Variants in KCNQ3 observed in about 807,000 individuals in gnomAD.
KCNQ3 encodes potassium voltage-gated channel subfamily KQT member 3.
Under a neutral mutation model 92.5 loss-of-function variants are expected in KCNQ3, and 30 were observed. That is an observed-to-expected ratio of 0.32 (90% CI 0.24 to 0.44). The LOEUF (loss-of-function observed/expected upper bound fraction) is 0.44, where lower values mean the gene tolerates loss of function less well. Among genes scored for constraint, KCNQ3 ranks in the 20% least tolerant of loss-of-function variants. KCNQ3 has a pLI of 1.00. For synonymous variants in KCNQ3, 450 were observed against 468.8 expected (o/e 0.96, Z 0.52); for missense variants, 913 against 1,140.3 (o/e 0.80, Z 2.87).
chr8:132,387,881 C>T (rs1013977098), intron 1 of KCNQ3, among the ~76,000 whole-genome samples: 2 of 151,668 alleles, frequency 1.3e-5, no homozygotes, highest in African/African-American at 4.8e-5. Flanking sequence ...GGGAGGTTGA[C>T]TCTACAGTGA....
rs1428430617 is a variant in KCNQ3 at position 132,124,843 on chromosome 8, A to G, written c.*4419T>C. 1.3e-5 allele frequency: 2 copies of G among 152,230 alleles called. No homozygotes were observed. The highest frequency in any genetic ancestry group is 3.9e-4 in the East Asian group (2 of 5,192). The allele number at this position is 152,230 out of a possible 1,614,324, so 9.4% of individuals were successfully genotyped here. A position where few individuals can be genotyped will look rare whatever the true frequency, so the allele number is the denominator to read the frequency against. On this transcript the variant is annotated 3_prime_UTR_variant, in exon 15 of 15. Transcript: ENST00000388996. ...GAAAACCAAATACCAGCTATGTGGC[A>G]TCTTCTGGGAAAGCACAGGGGTGGG...
intron 1 of KCNQ3, among the ~76,000 whole-genome samples, chr8:132,441,540 C>G (rs539464170): frequency 6.6e-6 from 1 of 151,838 alleles, no homozygotes; most frequent in African/African-American, 2.4e-5. Flanking sequence ...GGCGATAGAG[C>G]GAGACTCTGG....
chr8:132,276,065 C>T (rs943452380), intron 1 of KCNQ3, among the ~76,000 whole-genome samples: 2 of 152,212 alleles, frequency 1.3e-5, no homozygotes, highest in Non-Finnish European at 2.9e-5. Flanking sequence ...ATCTGATTTG[C>T]ACAATAGTCT....
chr8:132,244,634 A>G (rs530682136), intron 1 of KCNQ3, among the ~76,000 whole-genome samples: 1 of 152,330 alleles, frequency 6.6e-6, no homozygotes, highest in South Asian at 2.1e-4. Context: ...AACAAAATCT[A>G]TGTTTGGGAA....
At chr8:132,345,375 G>C (rs778828041) in intron 1 of KCNQ3, among the ~76,000 whole-genome samples, 10 of 152,208 alleles carry the variant, frequency 6.6e-5, no homozygotes, top group Non-Finnish European at 1.2e-4. Context: ...TGATGGTCCA[G>C]GAACGTACTC....
At chr8:132,303,621 TA>T (rs1272672976) in intron 1 of KCNQ3, among the ~76,000 whole-genome samples, 5 of 67,736 alleles carry the variant, frequency 7.4e-5, no homozygotes, top group African/African-American at 3.9e-4. Flanking sequence ...TATATATATA[TA>T]TATATATATG....
intron 2 of KCNQ3, 152 bp from the exon 3 acceptor site, chr8:132,184,519 G>A: frequency 1.3e-6 from 1 of 794,582 alleles, no homozygotes. Context: ...GGTGGGGAAG[G>A]GGAACCGGGA....
At chr8:132,432,308 T>C (rs1228993913) in intron 1 of KCNQ3, among the ~76,000 whole-genome samples, 1 of 149,640 alleles carries the variant, frequency 6.7e-6, no homozygotes, top group Non-Finnish European at 1.5e-5. Context: ...GTGGTAGAGA[T>C]ATGACCAGCT....
chr8:132,452,735 T>G (rs747620303), intron 1 of KCNQ3, among the ~76,000 whole-genome samples: 1 of 152,164 alleles, frequency 6.6e-6, no homozygotes, highest in Non-Finnish European at 1.5e-5. Context: ...TCAAGCATGA[T>G]AGAGGATTCA....
chr8:132,406,054 A>AT (rs1820469477), intron 1 of KCNQ3, among the ~76,000 whole-genome samples: 1 of 152,126 alleles, frequency 6.6e-6, no homozygotes, highest in Non-Finnish European at 1.5e-5. Flanking sequence ...CGACAGCTTC[A>AT]TTTTTTGCGA....
intron 1 of KCNQ3, among the ~76,000 whole-genome samples, chr8:132,465,437 C>T (rs892999573): frequency 2.6e-4 from 40 of 151,786 alleles, no homozygotes; most frequent in African/African-American, 9.4e-4. Flanking sequence ...AAAAAAATAG[C>T]GGGCATAGGC....
chr8:132,292,747 T>C lies in KCNQ3; in HGVS notation c.387-106566A>G, dbSNP rs772085858. ...AACTCCCATAGTCCTTGTTATAATA[T>C]TGGGGCACTTTGGGCCTCAGGAAAC... On this transcript the variant is annotated intron_variant, in intron 1 of 14. Transcript: ENST00000388996. Among the ~76,000 whole-genome samples, 49 of 152,292 alleles carry C rather than the reference T, an allele frequency of 3.2e-4. 1 individual carries two copies. In the East Asian group the frequency reaches 5.6e-3, roughly 17 times the overall value.
chr8:132,290,086 A>G (rs117387035), intron 1 of KCNQ3, among the ~76,000 whole-genome samples: 1,547 of 152,352 alleles, frequency 0.01, 14 homozygotes, highest in Non-Finnish European at 0.015. Context: ...GGCCAACACA[A>G]AAGCTCATCC....
chr8:132,150,528 A>AGT (rs1825602797), intron 9 of KCNQ3, among the ~76,000 whole-genome samples: 1 of 152,182 alleles, frequency 6.6e-6, no homozygotes, highest in African/African-American at 2.4e-5. Context: ...TTTCTTAAGG[A>AGT]GTGCTCACCT....
chr8:132,234,665 A>G (rs1814753934), intron 1 of KCNQ3, among the ~76,000 whole-genome samples: 1 of 152,148 alleles, frequency 6.6e-6, no homozygotes, highest in Admixed American at 6.5e-5. Flanking sequence ...TCGCAGTCCC[A>G]TTTTTCAGAT....
chr8:132,226,613 T>C (rs1814429154), intron 1 of KCNQ3, among the ~76,000 whole-genome samples: 1 of 152,164 alleles, frequency 6.6e-6, no homozygotes, highest in Non-Finnish European at 1.5e-5. Flanking sequence ...TTGTAGCTAT[T>C]AAGGACCATG....
chr8:132,306,489 G>A (rs1376386976), intron 1 of KCNQ3, among the ~76,000 whole-genome samples: 1 of 152,206 alleles, frequency 6.6e-6, no homozygotes, highest in Non-Finnish European at 1.5e-5. Flanking sequence ...GACTTTTAAG[G>A]AGGGTGGGGT....
At chr8:132,369,572 AGC>A (rs1491151641) in intron 1 of KCNQ3, among the ~76,000 whole-genome samples, 2 of 104,874 alleles carry the variant, frequency 1.9e-5, no homozygotes, top group African/African-American at 1.3e-4. Context: ...GTGCTCAAAC[AGC>A]ACACACACAC....
chr8:132,334,995 T>C (rs1019636898), intron 1 of KCNQ3, among the ~76,000 whole-genome samples: 7 of 36,744 alleles, frequency 1.9e-4, no homozygotes, highest in African/African-American at 7.9e-4. Flanking sequence ...GACATTTTTC[T>C]TCCTTCCTTC....
Sources: allele counts gnomAD v4.1 joint callset (sites outside exome capture counted in the v4.1 genomes callset), GRCh38; gene constraint gnomAD v4.1.1; transcripts MANE v1.5; gene names NCBI Gene and HGNC (gene_info 2026-07-23, HGNC 2026-07-21).